ASRGL1: variants seen among roughly 807,000 people sequenced by gnomAD.
ASRGL1 encodes the protein isoaspartyl peptidase/L-asparaginase.
A neutral mutation model predicts 22.4 loss-of-function variants in ASRGL1; 16 were observed. The observed-to-expected ratio is 0.71, with a 90% CI of 0.48 to 1.08. The LOEUF is 1.08. Ranked by LOEUF, ASRGL1 falls within the 50% of genes least tolerant of loss-of-function variation. The pLI, the probability that ASRGL1 is intolerant of heterozygous loss-of-function variation, is 0.00. For missense variants in ASRGL1, 412 were observed against 410.1 expected, an observed-to-expected ratio of 1.00 and a Z score of -0.04; for synonymous variants, 165 against 159.3, an observed-to-expected ratio of 1.04 and a Z score of -0.27.
intron 4 of ASRGL1, among the ~76,000 whole-genome samples, chr11:62,388,669 CAAAAAA>C (rs772803061): frequency 1.6e-5 from 1 of 62,818 alleles, no homozygotes; most frequent in Non-Finnish European, 3.1e-5. Flanking sequence ...GACTTCATCT[CAAAAAA>C]AAAAAAAAAA....
At chr11:62,366,382 A>G (rs1404021824) in intron 4 of ASRGL1, among the ~76,000 whole-genome samples, 1 of 146,324 alleles carries the variant, frequency 6.8e-6, no homozygotes, top group Non-Finnish European at 1.5e-5. Context: ...CCCAATATTA[A>G]ATATATGGTA....
At chr11:62,371,216 C>A (rs1946752530) in intron 4 of ASRGL1, 1 of 1,245,498 alleles carries the variant, frequency 8.0e-7, no homozygotes, top group Non-Finnish European at 1.1e-6. Flanking sequence ...GCCCAGGAAA[C>A]GTGGCGGCCC....
chr11:62,357,221 GTTCTT>G, intron 4 of ASRGL1, 77 bp downstream of exon 4: 1 of 645,834 alleles, frequency 1.5e-6, no homozygotes, highest in Non-Finnish European at 2.4e-6. Context: ...GTTATCTACA[GTTCTT>G]TTGTTTTGTT....
intron 2 of ASRGL1, among the ~76,000 whole-genome samples, chr11:62,341,867 A>G (rs1325322879): frequency 1.3e-5 from 2 of 152,114 alleles, no homozygotes; most frequent in African/African-American, 4.8e-5. Context: ...GCAACAACTA[A>G]TCTGTTTACT....
At position 62,357,091 on chromosome 11, in the gene ASRGL1, G is replaced by A. The variant is rs1946317399; in HGVS notation, c.438G>A (p.Lys146=). 1 of 1,614,056 alleles carries A rather than the reference G, an allele frequency of 6.2e-7. No individual in the cohort carries two copies. The highest frequency in any genetic ancestry group is 1.6e-4 in the Middle Eastern group (1 of 6,062). The change falls in exon 4 of 7, where the codon AAG becomes AAA. Residue 146 remains lysine, a synonymous_variant. Transcript: ENST00000415229. ...AACTGGTGACAGAGAGAAACAAAAA[G>A]CGCCTGGAAAAAGAGAAGCATGAAA... ...GEKLVTERNK[K]RLEKEKHEKG...
chr11:62,353,824 A>T (rs183583821), intron 2 of ASRGL1, among the ~76,000 whole-genome samples: 10 of 152,280 alleles, frequency 6.6e-5, no homozygotes, highest in Admixed American at 5.2e-4. Context: ...TATTTATATA[A>T]ATCTTTTATC....
At chr11:62,398,496 G>A in the ASRGL1 span, among the ~76,000 whole-genome samples, 1 of 152,328 alleles carries the variant, frequency 6.6e-6, no homozygotes, top group Admixed American at 6.5e-5. Flanking sequence ...TTTACCTCGG[G>A]CATAGAACCA....
At chr11:62,398,650 G>C in the ASRGL1 span, among the ~76,000 whole-genome samples, 265 of 151,916 alleles carry the variant, frequency 1.7e-3, no homozygotes, top group African/African-American at 5.9e-3. Context: ...TCTGCTCCCC[G>C]CCCCTCCCCT....
At chr11:62,345,961 A>T (rs1367094956) in intron 2 of ASRGL1, among the ~76,000 whole-genome samples, 1 of 152,198 alleles carries the variant, frequency 6.6e-6, no homozygotes, top group African/African-American at 2.4e-5. Context: ...AACAGGCCAC[A>T]GACCAGTACC....
At chr11:62,386,069 G>C (rs931990942) in intron 4 of ASRGL1, among the ~76,000 whole-genome samples, 1 of 152,066 alleles carries the variant, frequency 6.6e-6, no homozygotes, top group South Asian at 2.1e-4. Flanking sequence ...GGCTTAGGCA[G>C]GAGAATAGCT....
intron 4 of ASRGL1, among the ~76,000 whole-genome samples, chr11:62,376,380 G>T (rs10792347): frequency 0.78 from 117,897 of 151,912 alleles, 45,993 homozygotes; most frequent in South Asian, 0.84. Flanking sequence ...ATTGCAGAAC[G>T]TTAAATGTCT....
chr11:62,395,759 C>CTTTTTTTTTTTTTTTT (rs564952668), downstream of ASRGL1, among the ~76,000 whole-genome samples: 3 of 71,940 alleles, frequency 4.2e-5, no homozygotes, highest in Non-Finnish European at 7.9e-5. Context: ...GTAGCTGTTT[C>CTTTTTTTTTTTTTTTT]TTTTTTTTTT....
intron 2 of ASRGL1, among the ~76,000 whole-genome samples, chr11:62,351,934 A>G (rs921928437): frequency 2.0e-5 from 3 of 152,150 alleles, no homozygotes; most frequent in Non-Finnish European, 4.4e-5. Flanking sequence ...TTGGCCTCCA[A>G]AGTGCTGAGA....
intron 2 of ASRGL1, among the ~76,000 whole-genome samples, chr11:62,343,052 G>A (rs1016958038): frequency 7.2e-5 from 11 of 152,112 alleles, no homozygotes; most frequent in African/African-American, 2.7e-4. Context: ...CTGGGAGTGG[G>A]ACTGCTGGCT....
intron 4 of ASRGL1, chr11:62,372,991 TG>T: frequency 7.1e-7 from 1 of 1,414,010 alleles, no homozygotes; most frequent in South Asian, 1.2e-5. Flanking sequence ...TTTGGGGAAC[TG>T]GGCTACAGGG....
intron 4 of ASRGL1, among the ~76,000 whole-genome samples, chr11:62,388,524 C>A (rs1947265660): frequency 6.6e-6 from 1 of 151,858 alleles, no homozygotes; most frequent in South Asian, 2.1e-4. Flanking sequence ...ATAAAAATTA[C>A]CCAGGTGTGG....
chr11:62,342,750 T>A (rs1354974921), intron 2 of ASRGL1, among the ~76,000 whole-genome samples: 1 of 151,558 alleles, frequency 6.6e-6, no homozygotes, highest in Non-Finnish European at 1.5e-5. Flanking sequence ...AAAGAGAGAC[T>A]CTGTCTCCAA....
At chr11:62,401,128 C>T in the ASRGL1 span, among the ~76,000 whole-genome samples, 1 of 152,258 alleles carries the variant, frequency 6.6e-6, no homozygotes, top group African/African-American at 2.4e-5. Context: ...CCAAGGCCAA[C>T]CGCATTGCCA....
chr11:62,400,007 G>A, the ASRGL1 span, among the ~76,000 whole-genome samples: 1 of 152,128 alleles, frequency 6.6e-6, no homozygotes, highest in South Asian at 2.1e-4. Flanking sequence ...GTCCATCACA[G>A]CCCCTCCCAG....
Sources: gnomAD v4.1 joint callset for allele counts (sites outside exome capture counted in the v4.1 genomes callset) on GRCh38, gnomAD v4.1.1 for gene constraint, MANE v1.5 for transcripts, NCBI Gene and HGNC (gene_info 2026-07-23, HGNC 2026-07-21) for gene names.